AATK: variants seen among roughly 807,000 people sequenced by gnomAD.
AATK encodes serine/threonine-protein kinase LMTK1.
In AATK, 91 loss-of-function variants were observed where a neutral mutation model predicts 114.3. The observed-to-expected ratio is 0.80, with a 90% CI of 0.67 to 0.95. AATK has a LOEUF of 0.95. AATK is among the 40% of genes least tolerant of loss of function. The pLI is 0.00. For synonymous variants in AATK, 1,075 were observed against 916.5 expected (o/e 1.17, Z -3.12); for missense variants, 2,176 against 1,965.2 (o/e 1.11, Z -2.03).
chr17:81,137,296 G>T (rs1230019371), intron 1 of AATK, among the ~76,000 whole-genome samples: 2 of 151,438 alleles, frequency 1.3e-5, no homozygotes, highest in African/African-American at 4.9e-5. Context: ...ACCCCACTTT[G>T]CAGATGAGGA....
intron 1 of AATK, chr17:81,160,270 C>G: frequency 3.0e-6 from 3 of 985,270 alleles, no homozygotes; most frequent in Non-Finnish European, 3.6e-6. Context: ...TGGCTCTGAC[C>G]GTGGCTGTAA....
chr17:81,160,184 C>T, intron 1 of AATK: 10 of 883,586 alleles, frequency 1.1e-5, no homozygotes, highest in Non-Finnish European at 1.4e-5. Context: ...GCCCCCACCC[C>T]CAGGCTGGCA....
chr17:81,165,858 C>G, intron 1 of AATK, 80 bp downstream of exon 1: 2 of 1,532,152 alleles, frequency 1.3e-6, no homozygotes, highest in Non-Finnish European at 8.8e-7. Flanking sequence ...CCATGCAAAC[C>G]GGGAGCCGTG....
intron 1 of AATK, among the ~76,000 whole-genome samples, chr17:81,146,650 A>G (rs888992092): frequency 3.3e-5 from 5 of 152,008 alleles, no homozygotes; most frequent in African/African-American, 7.2e-5. Flanking sequence ...CAAGAGGTAG[A>G]GGTTGTAGTG....
intron 1 of AATK, among the ~76,000 whole-genome samples, chr17:81,151,316 C>CCG (rs1487982479): frequency 2.9e-5 from 4 of 137,468 alleles, no homozygotes; most frequent in South Asian, 2.5e-4. Flanking sequence ...CTGTCTCCCC[C>CCG]CTCACCCCTC....
rs778454053 is a variant in AATK, at chr17:81,119,464, A to AGGGAGC, written c.3994_3999dup (p.Ala1332_Pro1333dup). On this transcript the variant is annotated inframe_insertion, in exon 13 of 14. Transcript: ENST00000326724. The stretch of plus-strand genomic sequence containing the variant: ...GCGGGCGACACCGTGAAGCGCGAGA[A>AGGGAGC]GGGAGCGGGCGTGGGCGTGGGCGCA... The AGGGAGC allele has an allele frequency of 6.3e-5, 95 of 1,500,088 alleles. No individual in the cohort carries two copies. In the Admixed American group the frequency reaches 9.7e-4, roughly 15 times the overall value. 92.9% of individuals were successfully genotyped at this position (1,500,088 alleles called of 1,614,324 possible). A position where few individuals can be genotyped will look rare whatever the true frequency, so the allele number is the denominator to read the frequency against.
In AATK at chr17:81,118,429, A is replaced by G; in HGVS notation, c.4098T>C (p.Gly1366=). 7 of 1,608,794 alleles carry G rather than the reference A, an allele frequency of 4.4e-6. No homozygotes were observed. Among genetic ancestry groups the G allele is most frequent in the Non-Finnish European group, 5.9e-6 (7 of 1,178,296 alleles). ...AAGCCTCTTTACTCTCACCCCCGGC[A>G]CCAGCTTCAGGTCCTGGCAAGCAGG... ...DAESKRGPEA[G]AGGESKEA The change falls in exon 14 of 14, where the codon GGT becomes GGC. Residue 1366 remains glycine (G), a synonymous_variant. Coordinates refer to ENST00000326724, the MANE Select transcript of AATK (RefSeq NM_001080395.3).
chr17:81,119,508 G>A lies in AATK; in HGVS notation c.3956C>T (p.Pro1319Leu), dbSNP rs1184568612. 13 of 1,528,694 alleles carry A rather than the reference G, an allele frequency of 8.5e-6. No individual in the cohort carries two copies. The highest frequency in any genetic ancestry group is 4.3e-5 in the African/African-American group (3 of 69,036). The allele number at this position is 1,528,694 out of a possible 1,614,324, so 94.7% of individuals were successfully genotyped here. ...AKAAFAMALD[P>L]AAPAPAAPTP... Reference sequence around the variant, plus strand: ...GGGCGCAGCCGGGGCGGGTGCGGCCGGGTCTAGGGCCATGGCGAAGGCTGC... The same window carrying A: ...GGGCGCAGCCGGGGCGGGTGCGGCCAGGTCTAGGGCCATGGCGAAGGCTGC... The change falls in exon 13 of 14, where the codon CCG (proline) becomes CTG (leucine). Residue 1319 changes from proline (P) to leucine (L), a missense_variant. Pro to Leu is a moderately conservative substitution (Grantham distance 98). Around this residue, in one of 4 missense-constraint regions of AATK, gnomAD observed 1,701 missense variants for 1,394.7 expected, o/e 1.22. Transcript: ENST00000326724.
intron 1 of AATK, 64 bp downstream of exon 1, chr17:81,165,870 GGCCC>G: frequency 1.3e-6 from 2 of 1,540,136 alleles, no homozygotes; most frequent in Non-Finnish European, 1.8e-6. Flanking sequence ...GGAGCCGTGG[GGCCC>G]AGGGGCATCA....
At chr17:81,135,266 G>A (rs1238674034) in intron 1 of AATK, among the ~76,000 whole-genome samples, 1 of 152,220 alleles carries the variant, frequency 6.6e-6, no homozygotes, top group Non-Finnish European at 1.5e-5. Flanking sequence ...AGCTGAGCCA[G>A]GCTTTGAGGA....
Position 81,118,198 on chromosome 17 carries a change from C to T in AATK, c.*204G>A. On this transcript the variant is annotated 3_prime_UTR_variant, in exon 14 of 14. Coordinates refer to ENST00000326724, the MANE Select transcript of AATK (RefSeq NM_001080395.3). ...AGCCTAAAAGCCCAGACGAATTCTG[C>T]CTCTGGGGCGGAGCATGGCCGATCT... 3.4e-6 allele frequency: 2 copies of T among 586,664 alleles called. No homozygotes were observed. The highest frequency in any genetic ancestry group is 6.0e-6 in the Non-Finnish European group (2 of 332,364). 36.3% of individuals were successfully genotyped at this position (586,664 alleles called of 1,614,324 possible). A position where few individuals can be genotyped will look rare whatever the true frequency, so the allele number is the denominator to read the frequency against.
chr17:81,138,950 A>AC (rs113336319), intron 1 of AATK, among the ~76,000 whole-genome samples: 9 of 142,640 alleles, frequency 6.3e-5, no homozygotes, highest in African/African-American at 1.3e-4. Flanking sequence ...ACACATGCAC[A>AC]CCCCCCACAC....
Position 81,124,940 on chromosome 17 carries a change from C to G in AATK, c.830G>C (p.Cys277Ser). The change falls in exon 8 of 14, where the codon TGC becomes TCC. Residue 277 changes from cysteine (C) to serine (S), a missense_variant. By Grantham distance (112) the Cys-to-Ser change is moderately radical. Transcript: ENST00000326724. ...CCCCACCCCACTCACTCTGTACTTG[C>G]AGTGAGCCAGGCCATAGTCACCAAT... ...VKIGDYGLAH[C>S]KYREDYFVTA... The G allele has an allele frequency of 1.3e-6, 2 of 1,523,308 alleles. No homozygotes were observed. Among genetic ancestry groups the G allele is most frequent in the African/African-American group, 2.7e-5 (2 of 73,270 alleles). 94.4% of individuals were successfully genotyped at this position (1,523,308 alleles called of 1,614,324 possible). A position where few individuals can be genotyped will look rare whatever the true frequency, so the allele number is the denominator to read the frequency against.
Position 81,122,685 on chromosome 17 carries a change from CAG to C in AATK, c.1249_1250del (p.Leu417AlafsTer61). The C allele has an allele frequency of 6.5e-7, 1 of 1,541,960 alleles. No homozygotes were observed. Among genetic ancestry groups the C allele is most frequent in the Non-Finnish European group, 8.8e-7 (1 of 1,142,488 alleles). On this transcript the variant is annotated frameshift_variant, in exon 11 of 14. Coordinates refer to ENST00000326724, the MANE Select transcript of AATK (RefSeq NM_001080395.3). LOFTEE classifies it high-confidence loss of function. Reference sequence around the variant, plus strand: ...GCCCCACGCCGCCCCCGCCGGGCCGCAGAGAGCGCCAGCGCCGTTCAAACTCC... The same window carrying C: ...GCCCCACGCCGCCCCCGCCGGGCCGCAGAGCGCCAGCGCCGTTCAAACTCC... Reference protein sequence around the residue: ...EEEFERRWRSLRPGGGGVGPG... With the variant: ...EEEFERRWRSXRPGGGGVGPG...
At chr17:81,141,465 T>G (rs1221394692) in intron 1 of AATK, among the ~76,000 whole-genome samples, 1 of 152,044 alleles carries the variant, frequency 6.6e-6, no homozygotes, top group Admixed American at 6.6e-5. Flanking sequence ...GAAAAGAAAG[T>G]AAGTGACTTT....
chr17:81,165,557 A>C (rs1424010072), intron 1 of AATK: 1 of 1,081,180 alleles, frequency 9.2e-7, no homozygotes, highest in Non-Finnish European at 1.3e-6. Context: ...CCCCGGACCC[A>C]GGAGAGGCCA....
chr17:81,126,634 C>T lies in AATK; in HGVS notation c.622-74G>A. The T allele has an allele frequency of 3.4e-6, 5 of 1,492,308 alleles. No homozygotes were observed. The highest frequency in any genetic ancestry group is 4.5e-6 in the Non-Finnish European group (5 of 1,113,676). The allele number at this position is 1,492,308 out of a possible 1,614,324, so 92.4% of individuals were successfully genotyped here. ...ACCCTGGGAGGTCCCCACCTACCTCCCCAACTCCTCCACCCCTACCCACAG... is the reference window on the plus strand; with the variant it reads ...ACCCTGGGAGGTCCCCACCTACCTCTCCAACTCCTCCACCCCTACCCACAG... On this transcript the variant is annotated intron_variant, in intron 6 of 13. Coordinates refer to ENST00000326724, the MANE Select transcript of AATK (RefSeq NM_001080395.3). The surrounding 1 kb of genome is among the most constrained non-coding windows in gnomAD (Gnocchi z 5.1).
At chr17:81,133,006 C>T (rs964680499) in intron 2 of AATK, among the ~76,000 whole-genome samples, 1 of 152,218 alleles carries the variant, frequency 6.6e-6, no homozygotes, top group Admixed American at 6.5e-5. Flanking sequence ...CTCCTGCTCC[C>T]GCCAAGACCT....
rs2060780234 is a variant in AATK at position 81,125,020 on chromosome 17, G to A, written c.756-6C>T. The A allele has an allele frequency of 6.7e-7, 1 of 1,484,556 alleles. No individual in the cohort carries two copies. Among genetic ancestry groups the A allele is most frequent in the Non-Finnish European group, 9.0e-7 (1 of 1,116,332 alleles). The allele number at this position is 1,484,556 out of a possible 1,614,324, so 92.0% of individuals were successfully genotyped here. On this transcript the variant is annotated splice_polypyrimidine_tract_variant and splice_region_variant and intron_variant, in intron 7 of 13. Coordinates refer to ENST00000326724, the MANE Select transcript of AATK (RefSeq NM_001080395.3). ...AGTTCCGCAGGGCCAGGTCGCTGCA[G>A]GCAGGGGCAGGGGCAGGGGCAGGGT...
Sources: gnomAD v4.1 joint callset for allele counts (sites outside exome capture counted in the v4.1 genomes callset) on GRCh38, gnomAD v4.1.1 for gene constraint, gnomAD v4.1.1 regional missense constraint, Gnocchi (gnomAD v3.1) non-coding constraint, MANE v1.5 for transcripts, NCBI Gene and HGNC (gene_info 2026-07-23, HGNC 2026-07-21) for gene names.